Variants in RNASE6 observed in about 807,000 individuals in gnomAD.
The protein encoded by RNASE6 is ribonuclease A family member 6.
For missense variants in RNASE6, 197 were observed against 181.9 expected (o/e 1.08, Z -0.48); for synonymous variants, 64 against 63.6 (o/e 1.01, Z -0.03).
In RNASE6 at chr14:20,781,740, T is replaced by C; in HGVS notation, c.41T>C (p.Leu14Pro). The change falls in exon 2 of 2, where the codon CTA (leucine) becomes CCA (proline). Residue 14 changes from leucine to proline, a missense_variant. Leu to Pro is a moderately conservative substitution (Grantham distance 98). Transcript: ENST00000304677. ...CCTCTTCTTTTACTGCTGCTGGTTCTATGGGGACCAGTGTGTCCACTTCAT... is the reference window on the plus strand; with the variant it reads ...CCTCTTCTTTTACTGCTGCTGGTTCCATGGGGACCAGTGTGTCCACTTCAT... ...CFPLLLLLLV[L>P]WGPVCPLHAW... 6.2e-7 allele frequency: 1 copy of C among 1,613,952 alleles called. No individual in the cohort carries two copies. The highest frequency in any genetic ancestry group is 8.5e-7 in the Non-Finnish European group (1 of 1,179,860).
Position 20,781,759 on chromosome 14 carries a change from A to C in RNASE6, c.60A>C (p.Pro20=). The C allele has an allele frequency of 6.2e-7, 1 of 1,614,020 alleles. No individual in the cohort carries two copies. The highest frequency in any genetic ancestry group is 8.5e-7 in the Non-Finnish European group (1 of 1,179,988). ...LLLVLWGPVC[P]LHAWPKRLTK... is the part of the protein sequence containing the mutation. The stretch of plus-strand genomic sequence containing the variant: ...TGGTTCTATGGGGACCAGTGTGTCC[A>C]CTTCATGCTTGGCCTAAGCGTCTCA... Residue 20 remains proline, a synonymous_variant, in exon 2 of 2, where the codon CCA becomes CCC. Transcript: ENST00000304677.
Position 20,782,186 on chromosome 14 carries a change from C to G in RNASE6, c.*34C>G. 1 of 1,491,496 alleles carries G rather than the reference C, an allele frequency of 6.7e-7. No individual in the cohort carries two copies. Among genetic ancestry groups the G allele is most frequent in the Non-Finnish European group, 9.0e-7 (1 of 1,108,334 alleles). 92.4% of individuals were successfully genotyped at this position (1,491,496 alleles called of 1,614,324 possible). A position where few individuals can be genotyped will look rare whatever the true frequency, so the allele number is the denominator to read the frequency against. Reference sequence around the variant, plus strand: ...CTGCATTTCCTTTCATTTGACATAGCTTCTGTTACAATTGCATCCATGTTT... The same window carrying G: ...CTGCATTTCCTTTCATTTGACATAGGTTCTGTTACAATTGCATCCATGTTT... On this transcript the variant is annotated 3_prime_UTR_variant, in exon 2 of 2. Coordinates refer to ENST00000304677, the MANE Select transcript of RNASE6 (RefSeq NM_005615.5).
At position 20,782,241 on chromosome 14, in the gene RNASE6, G is replaced by A. The variant is rs908877686; in HGVS notation, c.*89G>A. The A allele has an allele frequency of 2.9e-5, 38 of 1,310,994 alleles. No homozygotes were observed. The Admixed American group carries it at 3.4e-4, about 12-fold the overall frequency. The allele number at this position is 1,310,994 out of a possible 1,614,324, so 81.2% of individuals were successfully genotyped here. A position where few individuals can be genotyped will look rare whatever the true frequency, so the allele number is the denominator to read the frequency against. Reference sequence around the variant, plus strand: ...TTCTTTTGTTGATTTTCTTGTTCCCGTAGAAGAAAGAAGAAAGGTGTTTGG... The same window carrying A: ...TTCTTTTGTTGATTTTCTTGTTCCCATAGAAGAAAGAAGAAAGGTGTTTGG... On this transcript the variant is annotated 3_prime_UTR_variant, in exon 2 of 2. Coordinates refer to ENST00000304677, the MANE Select transcript of RNASE6 (RefSeq NM_005615.5).
chr14:20,781,807 T>C lies in RNASE6; in HGVS notation c.108T>C (p.Ile36=). The change falls in exon 2 of 2, where the codon ATT becomes ATC. Residue 36 remains isoleucine (I), a synonymous_variant. Transcript: ENST00000304677. ...KRLTKAHWFE[I]QHIQPSPLQC... ...TCACCAAGGCTCACTGGTTTGAAAT[T>C]CAGCATATACAGCCAAGTCCTCTCC... is the stretch of plus-strand genomic sequence containing the variant. 3.7e-6 allele frequency: 6 copies of C among 1,614,188 alleles called. No individual in the cohort carries two copies. Among genetic ancestry groups the C allele is most frequent in the Non-Finnish European group, 5.1e-6 (6 of 1,180,022 alleles).
Position 20,782,362 on chromosome 14 carries a change from A to G in RNASE6, c.*210A>G, listed in dbSNP as rs903837333. The G allele has an allele frequency of 1.6e-5, 9 of 571,786 alleles. No homozygotes were observed. The highest frequency in any genetic ancestry group is 2.5e-5 in the Non-Finnish European group (8 of 322,462). The allele number at this position is 571,786 out of a possible 1,614,324, so 35.4% of individuals were successfully genotyped here. ...GTTCTGTACTTTTCGAGAGAAGGGA[A>G]TAGGGAAGACAGCAAAGAAAGATTC... is the stretch of plus-strand genomic sequence containing the variant. On this transcript the variant is annotated 3_prime_UTR_variant, in exon 2 of 2. Coordinates refer to ENST00000304677, the MANE Select transcript of RNASE6 (RefSeq NM_005615.5).
At chr14:20,781,604 A>T in intron 1 of RNASE6, 91 bp from the exon 2 acceptor site, 1 of 1,032,152 alleles carries the variant, frequency 9.7e-7, no homozygotes, top group Non-Finnish European at 1.4e-6. Flanking sequence ...GTAAAATCTT[A>T]AAAGGCAAAA....
In RNASE6 at chr14:20,782,208, G is replaced by C. The variant is rs1051326196; in HGVS notation, c.*56G>C. 7.0e-7 allele frequency: 1 copy of C among 1,423,942 alleles called. No homozygotes were observed. Among genetic ancestry groups the C allele is most frequent in the Non-Finnish European group, 9.5e-7 (1 of 1,052,930 alleles). The allele number at this position is 1,423,942 out of a possible 1,614,324, so 88.2% of individuals were successfully genotyped here. ...TAGCTTCTGTTACAATTGCATCCAT[G>C]TTTTCTTTTCTTTTGTTGATTTTCT... On this transcript the variant is annotated 3_prime_UTR_variant, in exon 2 of 2. Transcript: ENST00000304677.
In RNASE6 at chr14:20,781,932, GTGA is replaced by G; in HGVS notation, c.235_237del (p.Asp79del). 6.2e-7 allele frequency: 1 copy of G among 1,614,218 alleles called. No individual in the cohort carries two copies. Among genetic ancestry groups the G allele is most frequent in the South Asian group, 1.1e-5 (1 of 91,082 alleles). ...TCTTTCCAGAATGTGGCTGCTGTCTGTGATTTGCTCAGCATTGTCTGCAAAAAT... is the reference window on the plus strand; with the variant it reads ...TCTTTCCAGAATGTGGCTGCTGTCTGTTTGCTCAGCATTGTCTGCAAAAAT... On this transcript the variant is annotated inframe_deletion, in exon 2 of 2. Coordinates refer to ENST00000304677, the MANE Select transcript of RNASE6 (RefSeq NM_005615.5).
Position 20,781,946 on chromosome 14 carries a change from A to G in RNASE6, c.247A>G (p.Ile83Val), listed in dbSNP as rs1483564289. The G allele has an allele frequency of 1.9e-6, 3 of 1,614,196 alleles. No homozygotes were observed. The highest frequency in any genetic ancestry group is 1.7e-6 in the Non-Finnish European group (2 of 1,180,018). The change falls in exon 2 of 2, where the codon ATT becomes GTT. Residue 83 changes from isoleucine to valine, a missense_variant. Ile to Val is a conservative substitution (Grantham distance 29). Coordinates refer to ENST00000304677, the MANE Select transcript of RNASE6 (RefSeq NM_005615.5). ...NVAAVCDLLS[I>V]VCKNRRHNCH... ...GGCTGCTGTCTGTGATTTGCTCAGC[A>G]TTGTCTGCAAAAATCGTCGGCACAA...
chr14:20,782,084 T>C lies in RNASE6; in HGVS notation c.385T>C (p.Cys129Arg). The C allele has an allele frequency of 1.2e-6, 2 of 1,614,140 alleles. No individual in the cohort carries two copies. The highest frequency in any genetic ancestry group is 8.5e-7 in the Non-Finnish European group (1 of 1,179,998). Residue 129 changes from cysteine (C) to arginine (R), a missense_variant, in exon 2 of 2, where the codon TGT becomes CGT. Cys to Arg is a radical substitution (Grantham distance 180). Transcript: ENST00000304677. ...CCAGTACAAATTCTTCATTGTTGCC[T>C]GTGACCCCCCTCAGAAGAGCGATCC... ...AAQYKFFIVACDPPQKSDPPY... is the reference protein window; with the variant it reads ...AAQYKFFIVARDPPQKSDPPY...
At position 20,782,076 on chromosome 14, in the gene RNASE6, T is replaced by C. The variant is rs142444154; in HGVS notation, c.377T>C (p.Ile126Thr). The C allele has an allele frequency of 3.7e-6, 6 of 1,614,158 alleles. No homozygotes were observed. The East Asian group carries it at 8.9e-5, about 24-fold the overall frequency. ...GCTGCTGCCCAGTACAAATTCTTCATTGTTGCCTGTGACCCCCCTCAGAAG... is the reference window on the plus strand; with the variant it reads ...GCTGCTGCCCAGTACAAATTCTTCACTGTTGCCTGTGACCCCCCTCAGAAG... Reference protein sequence around the residue: ...YSAAAQYKFFIVACDPPQKSD... With the variant: ...YSAAAQYKFFTVACDPPQKSD... The change falls in exon 2 of 2, where the codon ATT becomes ACT. Residue 126 changes from isoleucine (I) to threonine (T), a missense_variant. By Grantham distance (89) the Ile-to-Thr change is moderately conservative. Transcript: ENST00000304677.
At position 20,782,267 on chromosome 14, in the gene RNASE6, A is replaced by C. The variant is rs926837988; in HGVS notation, c.*115A>C. 2 of 1,066,272 alleles carry C rather than the reference A, an allele frequency of 1.9e-6. No individual in the cohort carries two copies. The allele number at this position is 1,066,272 out of a possible 1,614,324, so 66.1% of individuals were successfully genotyped here. On this transcript the variant is annotated 3_prime_UTR_variant, in exon 2 of 2. Transcript: ENST00000304677. ...TAGAAGAAAGAAGAAAGGTGTTTGGAGAATTCGAGTGCCTAGGATGCCAGA... is the reference window on the plus strand; with the variant it reads ...TAGAAGAAAGAAGAAAGGTGTTTGGCGAATTCGAGTGCCTAGGATGCCAGA...
rs143479557 is a variant in RNASE6 at position 20,781,964 on chromosome 14, C to A, written c.265C>A (p.Arg89=). Residue 89 remains arginine, a synonymous_variant, in exon 2 of 2, where the codon CGG becomes AGG. Transcript: ENST00000304677. The stretch of plus-strand genomic sequence containing the variant: ...GCTCAGCATTGTCTGCAAAAATCGT[C>A]GGCACAACTGCCACCAGAGCTCAAA... ...DLLSIVCKNR[R]HNCHQSSKPV... The A allele has an allele frequency of 3.3e-5, 54 of 1,614,026 alleles. No individual in the cohort carries two copies. The Middle Eastern group carries it at 4.9e-4, about 15-fold the overall frequency.
Position 20,781,862 on chromosome 14 carries a change from A to G in RNASE6, c.163A>G (p.Asn55Asp), listed in dbSNP as rs1305235906. ...QCNRAMSGIN[N>D]YTQHCKHQNT... is the part of the protein sequence containing the mutation. ...CAACAGGGCAATGAGTGGCATCAAC[A>G]ATTATACCCAGCACTGTAAGCATCA... The change falls in exon 2 of 2, where the codon AAT (asparagine) becomes GAT (aspartate). Residue 55 changes from asparagine to aspartate, a missense_variant. Asn to Asp is a conservative substitution (Grantham distance 23). Transcript: ENST00000304677. 6.2e-7 allele frequency: 1 copy of G among 1,614,186 alleles called. No homozygotes were observed. Among genetic ancestry groups the G allele is most frequent in the East Asian group, 2.2e-5 (1 of 44,884 alleles).
Position 20,782,100 on chromosome 14 carries a change from A to G in RNASE6, c.401A>G (p.Lys134Arg). The change falls in exon 2 of 2, where the codon AAG (lysine) becomes AGG (arginine). Residue 134 changes from lysine (K) to arginine (R), a missense_variant. Lys to Arg is a conservative substitution (Grantham distance 26). Transcript: ENST00000304677. Reference protein sequence around the residue: ...FFIVACDPPQKSDPPYKLVPV... With the variant: ...FFIVACDPPQRSDPPYKLVPV... The stretch of plus-strand genomic sequence containing the variant: ...ATTGTTGCCTGTGACCCCCCTCAGA[A>G]GAGCGATCCCCCCTACAAGTTGGTT... The G allele has an allele frequency of 1.2e-6, 2 of 1,613,506 alleles. No individual in the cohort carries two copies. Among genetic ancestry groups the G allele is most frequent in the Non-Finnish European group, 1.7e-6 (2 of 1,179,692 alleles).
At position 20,781,918 on chromosome 14, in the gene RNASE6, T is replaced by G. The variant is rs1045917; in HGVS notation, c.219T>G (p.Asn73Lys). 1.9e-6 allele frequency: 3 copies of G among 1,614,248 alleles called. No individual in the cohort carries two copies. The highest frequency in any genetic ancestry group is 2.5e-6 in the Non-Finnish European group (3 of 1,180,036). ...QNTFLHDSFQ[N>K]VAAVCDLLSI... is the part of the protein sequence containing the mutation. ...CCTTTCTGCATGACTCTTTCCAGAA[T>G]GTGGCTGCTGTCTGTGATTTGCTCA... Residue 73 changes from asparagine to lysine, a missense_variant, in exon 2 of 2, where the codon AAT becomes AAG. Asn to Lys is a moderately conservative substitution (Grantham distance 94). Transcript: ENST00000304677.
chr14:20,782,323 T>C lies in RNASE6; in HGVS notation c.*171T>C. 1 of 643,754 alleles carries C rather than the reference T, an allele frequency of 1.6e-6. No homozygotes were observed. 39.9% of individuals were successfully genotyped at this position (643,754 alleles called of 1,614,324 possible). ...GTTGAGACAAAAAGAAATAAGATTA[T>C]TTTCTGCTTTGTAGTTCTGTACTTT... is the stretch of plus-strand genomic sequence containing the variant. On this transcript the variant is annotated 3_prime_UTR_variant, in exon 2 of 2. Transcript: ENST00000304677.
Position 20,781,956 on chromosome 14 carries a change from A to G in RNASE6, c.257A>G (p.Lys86Arg). 1.2e-6 allele frequency: 2 copies of G among 1,614,218 alleles called. No homozygotes were observed. Among genetic ancestry groups the G allele is most frequent in the South Asian group, 1.1e-5 (1 of 91,082 alleles). ...TGTGATTTGCTCAGCATTGTCTGCA[A>G]AAATCGTCGGCACAACTGCCACCAG... ...AVCDLLSIVC[K>R]NRRHNCHQSS... Residue 86 changes from lysine (K) to arginine (R), a missense_variant, in exon 2 of 2, where the codon AAA (lysine) becomes AGA (arginine). Coordinates refer to ENST00000304677, the MANE Select transcript of RNASE6 (RefSeq NM_005615.5).
In RNASE6 at chr14:20,782,324, T is replaced by C. The variant is rs745701334; in HGVS notation, c.*172T>C. The C allele has an allele frequency of 3.1e-6, 2 of 644,502 alleles. No homozygotes were observed. The highest frequency in any genetic ancestry group is 3.3e-5 in the Admixed American group (1 of 30,044). 39.9% of individuals were successfully genotyped at this position (644,502 alleles called of 1,614,324 possible). A position where few individuals can be genotyped will look rare whatever the true frequency, so the allele number is the denominator to read the frequency against. On this transcript the variant is annotated 3_prime_UTR_variant, in exon 2 of 2. Coordinates refer to ENST00000304677, the MANE Select transcript of RNASE6 (RefSeq NM_005615.5). ...TTGAGACAAAAAGAAATAAGATTAT[T>C]TTCTGCTTTGTAGTTCTGTACTTTT...
Sources: gnomAD v4.1 joint callset for allele counts on GRCh38, gnomAD v4.1.1 for gene constraint, MANE v1.5 for transcripts, NCBI Gene and HGNC (gene_info 2026-07-23, HGNC 2026-07-21) for gene names.